MSI2: variants seen among roughly 807,000 people sequenced by gnomAD.
MSI2 encodes the protein musashi RNA binding protein 2.
A neutral mutation model predicts 45.6 loss-of-function variants in MSI2; 17 were observed. The ratio of observed to expected loss-of-function variants is 0.37; its 90% CI spans 0.26 to 0.56. The LOEUF is 0.56. Ranked by LOEUF, MSI2 falls within the 20% of genes least tolerant of loss-of-function variation. The probability of loss-of-function intolerance (pLI) is 0.77; values close to 1 mark genes in which losing one functional copy is unlikely to be tolerated. For missense variants in MSI2, 293 were observed against 444.2 expected (o/e 0.66, Z 3.06); for synonymous variants, 156 against 158.2 (o/e 0.99, Z 0.11).
chr17:57,656,869 A>G (rs1911634287), intron 11 of MSI2, among the ~76,000 whole-genome samples: 2 of 152,202 alleles, frequency 1.3e-5, no homozygotes, highest in Non-Finnish European at 2.9e-5. Flanking sequence ...CATCTTCCCT[A>G]CATTTGTGGT....
chr17:57,446,699 A>G (rs933860909), intron 6 of MSI2, among the ~76,000 whole-genome samples: 1 of 152,212 alleles, frequency 6.6e-6, no homozygotes, highest in Non-Finnish European at 1.5e-5. Context: ...TAGGAACATC[A>G]TTGACTCTGA....
intron 6 of MSI2, among the ~76,000 whole-genome samples, chr17:57,464,632 C>T (rs2085297061): frequency 1.3e-5 from 2 of 152,112 alleles, no homozygotes; most frequent in Admixed American, 6.5e-5. Flanking sequence ...GGGCCAGCCT[C>T]TTCAGCTGGA....
intron 5 of MSI2, among the ~76,000 whole-genome samples, chr17:57,305,753 G>A (rs143430295): frequency 5.3e-5 from 8 of 152,250 alleles, no homozygotes; most frequent in Non-Finnish European, 7.4e-5. Context: ...CTAGGGTTGC[G>A]TATTCTGTTC....
intron 9 of MSI2, among the ~76,000 whole-genome samples, chr17:57,624,602 C>T (rs1029390918): frequency 3.9e-5 from 6 of 152,166 alleles, no homozygotes; most frequent in South Asian, 2.1e-4. Flanking sequence ...CCTTCTGCCT[C>T]GCTTGGGCAG....
At chr17:57,669,368 A>C (rs1912606383) in intron 11 of MSI2, among the ~76,000 whole-genome samples, 1 of 152,220 alleles carries the variant, frequency 6.6e-6, no homozygotes, top group Non-Finnish European at 1.5e-5. Context: ...TTGTGGACCC[A>C]GTGTCCACTG....
chr17:57,295,134 G>A (rs960435130), intron 5 of MSI2, among the ~76,000 whole-genome samples: 5 of 152,218 alleles, frequency 3.3e-5, no homozygotes, highest in African/African-American at 1.2e-4. Context: ...GTGCAAACTG[G>A]GTCCTGGGGT....
At chr17:57,287,338 G>A (rs1910000957) in intron 5 of MSI2, among the ~76,000 whole-genome samples, 1 of 152,032 alleles carries the variant, frequency 6.6e-6, no homozygotes, top group Admixed American at 6.5e-5. Context: ...CTGAGTTTGG[G>A]TGCCATATAA....
chr17:57,400,314 A>C (rs1458867256), intron 5 of MSI2, among the ~76,000 whole-genome samples: 1 of 152,026 alleles, frequency 6.6e-6, no homozygotes, highest in Non-Finnish European at 1.5e-5. Context: ...TTTAGAAAGA[A>C]ATTTTTCTTG....
chr17:57,461,066 C>T (rs1293067883), intron 6 of MSI2, among the ~76,000 whole-genome samples: 1 of 152,194 alleles, frequency 6.6e-6, no homozygotes, highest in African/African-American at 2.4e-5. Context: ...GCAGTCTCCC[C>T]TTGTCTCAGT....
chr17:57,273,690 T>A (rs190208089), intron 5 of MSI2, among the ~76,000 whole-genome samples: 26 of 152,324 alleles, frequency 1.7e-4, no homozygotes, highest in African/African-American at 6.0e-4. Context: ...TCATCCTGTT[T>A]GCTCAAAGCC....
chr17:57,521,727 G>A (rs2086589341), intron 6 of MSI2, among the ~76,000 whole-genome samples: 1 of 152,098 alleles, frequency 6.6e-6, no homozygotes, highest in Non-Finnish European at 1.5e-5. Flanking sequence ...TCTCGGCCTT[G>A]GCTGTACCCT....
At chr17:57,697,956 ACCC>A in the MSI2 span, among the ~76,000 whole-genome samples, 1 of 151,866 alleles carries the variant, frequency 6.6e-6, no homozygotes, top group Non-Finnish European at 1.5e-5. Context: ...TTTGAATCAT[ACCC>A]ATGCCTTCAC....
At chr17:57,685,297 G>A (rs1053529194), downstream of MSI2, among the ~76,000 whole-genome samples, 1 of 152,176 alleles carries the variant, frequency 6.6e-6, no homozygotes, top group Non-Finnish European at 1.5e-5. Context: ...CCCAATACCT[G>A]GTGATGACGG....
At chr17:57,475,250 C>G (rs1471047439) in intron 6 of MSI2, among the ~76,000 whole-genome samples, 1 of 152,218 alleles carries the variant, frequency 6.6e-6, no homozygotes, top group East Asian at 1.9e-4. Flanking sequence ...CCTGTTCTCA[C>G]AGAGGTCCCA....
chr17:57,496,436 C>T (rs1177038251), intron 6 of MSI2, among the ~76,000 whole-genome samples: 2 of 146,752 alleles, frequency 1.4e-5, no homozygotes, highest in African/African-American at 2.6e-5. Context: ...GGCTGATGAA[C>T]GGTCTCATAC....
chr17:57,315,790 G>A (rs2066655162), intron 5 of MSI2, among the ~76,000 whole-genome samples: 2 of 151,950 alleles, frequency 1.3e-5, no homozygotes, highest in African/African-American at 4.8e-5. Context: ...AACCTTTTTC[G>A]GCAGCTTTGC....
At chr17:57,623,892 A>G (rs1908543673) in intron 9 of MSI2, among the ~76,000 whole-genome samples, 1 of 152,246 alleles carries the variant, frequency 6.6e-6, no homozygotes, top group Admixed American at 6.5e-5. Flanking sequence ...TTATAAATTT[A>G]TGATTTCATC....
chr17:57,487,280 T>C (rs2085773729), intron 6 of MSI2, among the ~76,000 whole-genome samples: 1 of 152,222 alleles, frequency 6.6e-6, no homozygotes, highest in South Asian at 2.1e-4. Context: ...CAGTCACGTG[T>C]TCCACACAGG....
At chr17:57,496,011 T>C (rs2085972500) in intron 6 of MSI2, among the ~76,000 whole-genome samples, 1 of 152,198 alleles carries the variant, frequency 6.6e-6, no homozygotes, top group Non-Finnish European at 1.5e-5. Flanking sequence ...CTACAGTTAA[T>C]ATACTTGAAT....
Sources: gnomAD v4.1 joint callset for allele counts (sites outside exome capture counted in the v4.1 genomes callset) on GRCh38, gnomAD v4.1.1 for gene constraint, MANE v1.5 for transcripts, NCBI Gene and HGNC (gene_info 2026-07-23, HGNC 2026-07-21) for gene names.